STXBP5L: variants seen among roughly 807,000 people sequenced by gnomAD.
The protein encoded by STXBP5L is syntaxin-binding protein 5-like.
Under a neutral mutation model 144.5 loss-of-function variants are expected in STXBP5L, and 65 were observed. That is an observed-to-expected ratio of 0.45 (90% CI 0.37 to 0.55). STXBP5L has a LOEUF of 0.55. Ranked by LOEUF, STXBP5L falls within the 20% of genes least tolerant of loss-of-function variation. The probability of loss-of-function intolerance (pLI) is 0.00; values close to 1 mark genes in which losing one functional copy is unlikely to be tolerated. For missense variants in STXBP5L, 1,298 were observed against 1,405.5 expected, an observed-to-expected ratio of 0.92 and a Z score of 1.22; for synonymous variants, 505 against 469.6, an observed-to-expected ratio of 1.08 and a Z score of -0.97.
At chr3:121,005,592 A>T (rs1944221383) in intron 3 of STXBP5L, among the ~76,000 whole-genome samples, 2 of 152,114 alleles carry the variant, frequency 1.3e-5, no homozygotes, top group South Asian at 2.1e-4. Context: ...GCCTTCTGCT[A>T]GCTTTTGAAT....
At chr3:121,046,582 T>A (rs1368013423) in intron 5 of STXBP5L, among the ~76,000 whole-genome samples, 3 of 152,166 alleles carry the variant, frequency 2.0e-5, no homozygotes, top group Admixed American at 1.3e-4. Context: ...CCTGGCTCAA[T>A]CTTGGGAGTT....
chr3:121,073,510 G>A (rs1265085054), intron 5 of STXBP5L, among the ~76,000 whole-genome samples: 1 of 152,186 alleles, frequency 6.6e-6, no homozygotes, highest in East Asian at 1.9e-4. Flanking sequence ...CTAGACACTT[G>A]GAGAAATATG....
At chr3:121,312,480 T>TTTTTTTTTTTTTTTTTTTTG in intron 19 of STXBP5L, among the ~76,000 whole-genome samples, 1 of 83,104 alleles carries the variant, frequency 1.2e-5, no homozygotes, top group Non-Finnish European at 2.4e-5. Flanking sequence ...TTTTTTTTTA[T>TTTTTTTTTTTTTTTTTTTTG]TGATCATTCT....
intron 22 of STXBP5L, among the ~76,000 whole-genome samples, chr3:121,401,659 C>T (rs2046876593): frequency 8.5e-6 from 1 of 118,176 alleles, no homozygotes. Flanking sequence ...AAACCAAACA[C>T]CGCATATTCT....
chr3:121,062,099 G>C (rs2041311432), intron 5 of STXBP5L, among the ~76,000 whole-genome samples: 1 of 152,182 alleles, frequency 6.6e-6, no homozygotes. Flanking sequence ...GCAGGTGCTG[G>C]TACCAGTTGT....
intron 5 of STXBP5L, among the ~76,000 whole-genome samples, chr3:121,083,374 A>G (rs539171083): frequency 6.6e-5 from 10 of 152,058 alleles, no homozygotes; most frequent in Admixed American, 3.3e-4. Flanking sequence ...TAAAATTGGT[A>G]TCAATTGTTG....
At chr3:121,307,372 A>G (rs1434797695) in intron 19 of STXBP5L, among the ~76,000 whole-genome samples, 1 of 152,226 alleles carries the variant, frequency 6.6e-6, no homozygotes, top group Non-Finnish European at 1.5e-5. Flanking sequence ...CAAAACAACC[A>G]TTATAAATAT....
chr3:121,379,526 T>A (rs901373731), intron 21 of STXBP5L, among the ~76,000 whole-genome samples: 2 of 152,164 alleles, frequency 1.3e-5, no homozygotes, highest in Non-Finnish European at 2.9e-5. Context: ...TTTAGGAAGA[T>A]TTGCTATAGT....
chr3:121,071,132 T>C (rs190819230), intron 5 of STXBP5L, among the ~76,000 whole-genome samples: 1 of 152,278 alleles, frequency 6.6e-6, no homozygotes, highest in Non-Finnish European at 1.5e-5. Flanking sequence ...ATTATAACCA[T>C]AGGTGAAAGT....
chr3:121,392,728 A>G (rs892409385), intron 22 of STXBP5L, among the ~76,000 whole-genome samples: 2 of 148,756 alleles, frequency 1.3e-5, no homozygotes, highest in African/African-American at 5.0e-5. Context: ...TCAAGTATAA[A>G]GCAATGATTT....
At chr3:121,004,042 TG>T (rs1284694561) in intron 3 of STXBP5L, among the ~76,000 whole-genome samples, 2 of 151,968 alleles carry the variant, frequency 1.3e-5, no homozygotes, top group East Asian at 3.9e-4. Flanking sequence ...GGCTCTTTTT[TG>T]GTTCCATATG....
intron 20 of STXBP5L, among the ~76,000 whole-genome samples, chr3:121,319,020 G>A (rs746487990): frequency 3.9e-5 from 6 of 152,012 alleles, no homozygotes; most frequent in Non-Finnish European, 5.9e-5. Flanking sequence ...AAGACAAAGT[G>A]TGCACCCATT....
chr3:121,348,908 A>G (rs1171785816), intron 20 of STXBP5L, among the ~76,000 whole-genome samples: 1 of 151,166 alleles, frequency 6.6e-6, no homozygotes, highest in Non-Finnish European at 1.5e-5. Context: ...CAAAAAACCA[A>G]CTCCTGGATT....
intron 5 of STXBP5L, among the ~76,000 whole-genome samples, chr3:121,097,409 G>A (rs2043184287): frequency 6.6e-6 from 1 of 152,174 alleles, no homozygotes; most frequent in Non-Finnish European, 1.5e-5. Flanking sequence ...TGGCCACCCA[G>A]TTTTGTGCTC....
At chr3:121,329,632 G>A (rs373250580) in intron 20 of STXBP5L, among the ~76,000 whole-genome samples, 7 of 152,098 alleles carry the variant, frequency 4.6e-5, no homozygotes, top group South Asian at 2.1e-4. Context: ...AGGCTGAGGC[G>A]GGAGGATTGC....
chr3:120,991,297 G>T (rs1446825460), intron 3 of STXBP5L, among the ~76,000 whole-genome samples: 1 of 151,600 alleles, frequency 6.6e-6, no homozygotes, highest in Non-Finnish European at 1.5e-5. Context: ...TCTCACACCA[G>T]TTAGAATGGC....
chr3:121,093,670 T>C (rs1367146979), intron 5 of STXBP5L, among the ~76,000 whole-genome samples: 3 of 152,206 alleles, frequency 2.0e-5, no homozygotes, highest in African/African-American at 7.2e-5. Flanking sequence ...TCTTTTTTTC[T>C]TTATTAGTCT....
chr3:121,323,577 A>G (rs2044047788), intron 20 of STXBP5L, among the ~76,000 whole-genome samples: 1 of 152,188 alleles, frequency 6.6e-6, no homozygotes, highest in Admixed American at 6.5e-5. Flanking sequence ...ATAACACTTT[A>G]TATTATCTAT....
At chr3:120,947,160 A>AT (rs779708356) in intron 2 of STXBP5L, among the ~76,000 whole-genome samples, 6 of 151,792 alleles carry the variant, frequency 4.0e-5, no homozygotes, top group Non-Finnish European at 7.4e-5. Flanking sequence ...AAATTCACTT[A>AT]TTTTTTACTA....
Sources: gnomAD v4.1 joint callset for allele counts (sites outside exome capture counted in the v4.1 genomes callset) on GRCh38, gnomAD v4.1.1 for gene constraint, MANE v1.5 for transcripts, NCBI Gene and HGNC (gene_info 2026-07-23, HGNC 2026-07-21) for gene names.